SPRY3: variants seen among roughly 807,000 people sequenced by gnomAD.
SPRY3 encodes protein sprouty homolog 3.
A neutral mutation model predicts 20.2 loss-of-function variants in SPRY3; 15 were observed. The ratio of observed to expected loss-of-function variants is 0.74; its 90% confidence interval spans 0.50 to 1.14. SPRY3 has a LOEUF of 1.14. Ranked by LOEUF, SPRY3 falls within the 50% of genes most tolerant of loss-of-function variation. The pLI is 0.00. For missense variants in SPRY3, 364 were observed against 363.9 expected, an observed-to-expected ratio of 1.00 and a Z score of 0.00; for synonymous variants, 143 against 136.5, an observed-to-expected ratio of 1.05 and a Z score of -0.33.
intron 2 of SPRY3, among the ~76,000 whole-genome samples, chrX:155,710,740 G>A (rs1389891020): frequency 6.6e-6 from 1 of 151,646 alleles, no homozygotes; most frequent in African/African-American, 2.4e-5. Context: ...GTCATGTTCT[G>A]ATCTTAGAGG....
chrX:155,715,048 C>T (rs2091012604), intron 2 of SPRY3, among the ~76,000 whole-genome samples: 1 of 152,130 alleles, frequency 6.6e-6, no homozygotes, highest in Non-Finnish European at 1.5e-5. Flanking sequence ...GGGACTCCAA[C>T]AGTGTGATTG....
intron 2 of SPRY3, among the ~76,000 whole-genome samples, chrX:155,688,209 A>G (rs962053130): frequency 9.0e-6 from 1 of 110,606 alleles, no homozygotes; most frequent in African/African-American, 3.3e-5. Flanking sequence ...CGAAGAGGAC[A>G]TGATCTCGTT....
chrX:155,697,639 T>C (rs1299361989), intron 2 of SPRY3, among the ~76,000 whole-genome samples: 1 of 108,791 alleles, frequency 9.2e-6, no homozygotes, highest in Non-Finnish European at 1.9e-5. Flanking sequence ...TAGGGGTGTG[T>C]GTGTGTGTGT....
intron 2 of SPRY3, among the ~76,000 whole-genome samples, chrX:155,751,983 T>TAAAATAAAATAAAGG (rs1444866727): frequency 7.8e-6 from 1 of 127,636 alleles, no homozygotes; most frequent in Non-Finnish European, 1.6e-5. Context: ...TAAAATAAAA[T>TAAAATAAAATAAAGG]AAAGGAAAGG....
intron 2 of SPRY3, among the ~76,000 whole-genome samples, chrX:155,742,887 A>G (rs2091209915): frequency 6.6e-6 from 1 of 152,166 alleles, no homozygotes; most frequent in East Asian, 1.9e-4. Context: ...AAAGCTAGAA[A>G]GATCTCAAAT....
intron 1 of SPRY3, chrX:155,613,056 C>A (rs1296226910): frequency 8.9e-6 from 1 of 112,004 alleles, no homozygotes; most frequent in Non-Finnish European, 1.9e-5. Flanking sequence ...AAGGACTGGG[C>A]CGGGGCACTC....
chrX:155,687,173 A>C (rs1307071389), intron 2 of SPRY3, among the ~76,000 whole-genome samples: 1 of 112,802 alleles, frequency 8.9e-6, no homozygotes, highest in Non-Finnish European at 1.9e-5. Context: ...CACCTGTGCA[A>C]GAACTGAAAG....
At chrX:155,656,607 A>G (rs2067993063) in intron 1 of SPRY3, among the ~76,000 whole-genome samples, 1 of 111,089 alleles carries the variant, frequency 9.0e-6, no homozygotes, top group South Asian at 3.9e-4. Context: ...CAATTCGTCA[A>G]ACTCATTCTC....
chrX:155,653,467 C>A (rs913468883), intron 1 of SPRY3, among the ~76,000 whole-genome samples: 18 of 111,710 alleles, frequency 1.6e-4, no homozygotes, highest in African/African-American at 5.9e-4. Flanking sequence ...ATGTGGATAT[C>A]CAGTTTTCCC....
At chrX:155,750,284 G>A (rs751174757) in intron 2 of SPRY3, among the ~76,000 whole-genome samples, 1 of 151,944 alleles carries the variant, frequency 6.6e-6, no homozygotes, top group African/African-American at 2.4e-5. Context: ...AGTGCGGGGG[G>A]AAGGGAAGAG....
intron 2 of SPRY3, among the ~76,000 whole-genome samples, chrX:155,753,638 C>A (rs1417032723): frequency 1.3e-5 from 2 of 151,780 alleles, no homozygotes; most frequent in Non-Finnish European, 2.9e-5. Context: ...TTTAACATTT[C>A]AAGAAAATTC....
exon 4 of SPRY3, chrX:155,774,129 C>T (rs2091404000): frequency 2.5e-6 from 4 of 1,614,010 alleles, no homozygotes; most frequent in Non-Finnish European, 3.4e-6. Flanking sequence ...GCATTGCCAG[C>T]TCAATGTCCC....
exon 2 of SPRY3, among the ~76,000 whole-genome samples, chrX:155,656,927 A>C (rs1207036319): frequency 9.0e-6 from 1 of 111,635 alleles, no homozygotes; most frequent in African/African-American, 3.3e-5. Flanking sequence ...TCACCAGTGG[A>C]GGCTGCAGAA....
At chrX:155,764,361 AGTT>A in intron 2 of SPRY3, among the ~76,000 whole-genome samples, 1 of 152,348 alleles carries the variant, frequency 6.6e-6, no homozygotes, top group East Asian at 1.9e-4. Context: ...TTGTAAAAGA[AGTT>A]GTCTGGCAAT....
intron 2 of SPRY3, among the ~76,000 whole-genome samples, chrX:155,702,416 G>C (rs1477765285): frequency 9.7e-5 from 1 of 10,276 alleles, no homozygotes; most frequent in Non-Finnish European, 1.9e-4. Context: ...CTCTCTGTTT[G>C]TCTGTTGTTG....
downstream of SPRY3, chrX:155,777,594 A>T: frequency 3.1e-5 from 1 of 32,360 alleles, no homozygotes; most frequent in Non-Finnish European, 1.5e-4. Flanking sequence ...GGATATGCGC[A>T]TGGACGTGTG....
intron 2 of SPRY3, among the ~76,000 whole-genome samples, chrX:155,718,587 G>A (rs1467551604): frequency 1.3e-5 from 2 of 151,920 alleles, no homozygotes; most frequent in Admixed American, 6.6e-5. Context: ...CGGGCATTTC[G>A]AATACAAAAT....
At chrX:155,746,179 A>C (rs182030507) in intron 2 of SPRY3, among the ~76,000 whole-genome samples, 140 of 152,202 alleles carry the variant, frequency 9.2e-4, no homozygotes, top group African/African-American at 3.1e-3. Context: ...TCTTTTCTTC[A>C]AAAAAGTTTC....
intron 2 of SPRY3, among the ~76,000 whole-genome samples, chrX:155,673,444 A>T: frequency 9.0e-6 from 1 of 111,286 alleles, no homozygotes; most frequent in African/African-American, 3.3e-5. Context: ...GGTTTTTGTA[A>T]ATTTTGCCTG....
Sources: allele counts gnomAD v4.1 joint callset (sites outside exome capture counted in the v4.1 genomes callset), GRCh38; gene constraint gnomAD v4.1.1; transcripts MANE v1.5; gene names NCBI Gene and HGNC (gene_info 2026-07-23, HGNC 2026-07-21).